The following NCKAP5 variants were observed in gnomAD, a reference collection of about 807,000 sequenced individuals.
NCKAP5 encodes the protein nck-associated protein 5.
NCKAP5 carries 92 observed loss-of-function variants against 167.0 expected under a neutral mutation model. The observed-to-expected ratio is 0.55, with a 90% CI of 0.47 to 0.66. The LOEUF is 0.66. NCKAP5 is among the 30% of genes least tolerant of loss of function. NCKAP5 has a pLI of 0.00. For synonymous variants in NCKAP5, 891 were observed against 877.4 expected (o/e 1.02, Z -0.27); for missense variants, 2,378 against 2,315.0 (o/e 1.03, Z -0.56).
chr2:132,693,328 C>T (rs1029378967), intron 19 of NCKAP5, among the ~76,000 whole-genome samples: 4 of 152,034 alleles, frequency 2.6e-5, no homozygotes, highest in African/African-American at 9.7e-5. Flanking sequence ...GAGTAAGGTA[C>T]ACCCTCAATC....
Position 133,285,548 on chromosome 2 carries a change from G to A in NCKAP5, c.143+17489C>T, listed in dbSNP as rs62180004. ...TTGGGTGGTGGGGTGGGGTGAGGGA[G>A]GGGCACACAGAGGGGATAGTGGAAT... On this transcript the variant is annotated intron_variant, in intron 4 of 19. Coordinates refer to ENST00000409261, the MANE Select transcript of NCKAP5 (RefSeq NM_207363.3). Among the ~76,000 whole-genome samples, 1,299 of 152,200 alleles carry A rather than the reference G, an allele frequency of 8.5e-3. 8 individuals carry two copies. Among genetic ancestry groups the A allele is most frequent in the Non-Finnish European group, 0.013 (915 of 68,000 alleles).
the NCKAP5 span, among the ~76,000 whole-genome samples, chr2:133,665,008 G>A: frequency 0.091 from 13,827 of 152,220 alleles, 878 homozygotes; most frequent in South Asian, 0.19. Context: ...CAGTTTCATA[G>A]AGTTGAGGAG....
intron 3 of NCKAP5, among the ~76,000 whole-genome samples, chr2:133,392,166 T>C (rs566043550): frequency 6.6e-6 from 1 of 152,364 alleles, no homozygotes; most frequent in East Asian, 1.9e-4. Flanking sequence ...ACATATTCAA[T>C]GGTAGTCCCA....
At chr2:133,215,499 T>G (rs934550791) in intron 4 of NCKAP5, among the ~76,000 whole-genome samples, 3 of 152,158 alleles carry the variant, frequency 2.0e-5, no homozygotes, top group Non-Finnish European at 4.4e-5. Context: ...CAGAACTATA[T>G]GTTCACCAAA....
rs112932029 is a variant in NCKAP5 at position 133,457,023 on chromosome 2, G to A, written c.69+60435C>T. Among the ~76,000 whole-genome samples the A allele has an allele frequency of 4.3e-3, 647 of 152,222 alleles. 4 individuals are homozygous for A. The highest frequency in any genetic ancestry group is 6.9e-3 in the Non-Finnish European group (467 of 68,002). On this transcript the variant is annotated intron_variant, in intron 3 of 19. Coordinates refer to ENST00000409261, the MANE Select transcript of NCKAP5 (RefSeq NM_207363.3). ...GCTTCATCTCTAATGTGCAGCATTCGTAGCAAAGGGGCCCCAGGTAAGAGT... is the reference window on the plus strand; with the variant it reads ...GCTTCATCTCTAATGTGCAGCATTCATAGCAAAGGGGCCCCAGGTAAGAGT...
At chr2:133,594,844 A>G in the NCKAP5 span, among the ~76,000 whole-genome samples, 1 of 152,022 alleles carries the variant, frequency 6.6e-6, no homozygotes, top group East Asian at 1.9e-4. Context: ...GGACCACAGG[A>G]CACTGCTGAG....
chr2:132,684,688 C>T (rs1685698805), intron 19 of NCKAP5, among the ~76,000 whole-genome samples: 1 of 152,106 alleles, frequency 6.6e-6, no homozygotes, highest in Admixed American at 6.5e-5. Context: ...AGTCCCCTTC[C>T]CCTACAAAGT....
At chr2:133,106,848 GA>G (rs2081722562) in intron 6 of NCKAP5, among the ~76,000 whole-genome samples, 1 of 152,192 alleles carries the variant, frequency 6.6e-6, no homozygotes. Flanking sequence ...AAGCATTAGA[GA>G]AATTATTCAA....
At chr2:133,417,782 G>A (rs2151081787) in intron 3 of NCKAP5, among the ~76,000 whole-genome samples, 1 of 152,274 alleles carries the variant, frequency 6.6e-6, no homozygotes, top group South Asian at 2.1e-4. Context: ...GGTGGGGTGG[G>A]TCAAGTAGGC....
At chr2:133,446,381 C>T (rs1691195592) in intron 3 of NCKAP5, among the ~76,000 whole-genome samples, 1 of 152,244 alleles carries the variant, frequency 6.6e-6, no homozygotes, top group East Asian at 1.9e-4. Flanking sequence ...ATAGCTAACA[C>T]ATACTTGCAT....
chr2:132,908,841 GATCCCTATGGCATAATTCTGAAAT>G (rs1694207292), intron 8 of NCKAP5, among the ~76,000 whole-genome samples: 1 of 152,140 alleles, frequency 6.6e-6, no homozygotes, highest in African/African-American at 2.4e-5. Context: ...CTAAAACATG[GATCCCTATGGCATAATTCTGAAAT>G]ATCGTAGTCT....
chr2:133,433,164 A>G (rs1346775437), intron 3 of NCKAP5, among the ~76,000 whole-genome samples: 1 of 152,212 alleles, frequency 6.6e-6, no homozygotes, highest in Non-Finnish European at 1.5e-5. Flanking sequence ...TATTACCTAA[A>G]TATCTGTTAT....
At chr2:132,797,108 TTACTA>T (rs1412993723) in intron 11 of NCKAP5, among the ~76,000 whole-genome samples, 1 of 152,212 alleles carries the variant, frequency 6.6e-6, no homozygotes, top group Non-Finnish European at 1.5e-5. Flanking sequence ...CAAGTTCACC[TTACTA>T]TGTTGAGCAG....
chr2:132,918,962 T>C (rs1276227952), intron 8 of NCKAP5, among the ~76,000 whole-genome samples: 1 of 152,214 alleles, frequency 6.6e-6, no homozygotes, highest in Admixed American at 6.5e-5. Flanking sequence ...TCCCAATTCA[T>C]CTGGAGTTGG....
intron 6 of NCKAP5, among the ~76,000 whole-genome samples, chr2:133,018,633 A>T (rs2078425172): frequency 1.3e-5 from 2 of 152,218 alleles, no homozygotes; most frequent in African/African-American, 4.8e-5. Context: ...AACTGTGCAC[A>T]GCAAGTGCTC....
chr2:133,587,208 T>C, the NCKAP5 span, among the ~76,000 whole-genome samples: 1 of 152,176 alleles, frequency 6.6e-6, no homozygotes, highest in African/African-American at 2.4e-5. Flanking sequence ...GGGAGCCAGA[T>C]TGCCAGGGCT....
At chr2:133,165,489 A>T (rs2083963140) in intron 5 of NCKAP5, among the ~76,000 whole-genome samples, 1 of 152,224 alleles carries the variant, frequency 6.6e-6, no homozygotes, top group African/African-American at 2.4e-5. Context: ...ATGCAATGTG[A>T]AACCATCTAG....
intron 14 of NCKAP5, 73 bp downstream of exon 14, chr2:132,781,867 A>G (rs1406967940): frequency 7.0e-7 from 1 of 1,434,872 alleles, no homozygotes. Context: ...TTTAATGCAC[A>G]GGAAGCAAAC....
chr2:132,742,496 C>T (rs1679291438), intron 16 of NCKAP5, among the ~76,000 whole-genome samples: 1 of 151,850 alleles, frequency 6.6e-6, no homozygotes, highest in Non-Finnish European at 1.5e-5. Context: ...TCACCCTATT[C>T]ATTATTGCTC....
Sources: allele counts gnomAD v4.1 joint callset (sites outside exome capture counted in the v4.1 genomes callset), GRCh38; gene constraint gnomAD v4.1.1; transcripts MANE v1.5; gene names NCBI Gene and HGNC (gene_info 2026-07-23, HGNC 2026-07-21).